PRDM10: variants seen among roughly 807,000 people sequenced by gnomAD.
The protein encoded by PRDM10 is PR/SET domain 10.
Under a neutral mutation model 133.1 loss-of-function variants are expected in PRDM10, and 65 were observed. The ratio of observed to expected loss-of-function variants is 0.49; its 90% CI spans 0.40 to 0.60. The LOEUF is 0.60. PRDM10 is among the 20% of genes least tolerant of loss of function. PRDM10 has a pLI of 0.00. For missense variants in PRDM10, 1,137 were observed against 1,507.1 expected (o/e 0.75, Z 4.07); for synonymous variants, 582 against 580.4 (o/e 1.00, Z -0.04).
At chr11:129,968,561 C>T (rs78122374) in intron 1 of PRDM10, among the ~76,000 whole-genome samples, 2 of 152,102 alleles carry the variant, frequency 1.3e-5, no homozygotes, top group East Asian at 1.9e-4. Context: ...CTGTTGTTCT[C>T]TCTCTGATAT....
At chr11:129,919,456 CTA>C (rs944808792) in intron 13 of PRDM10, among the ~76,000 whole-genome samples, 1 of 152,306 alleles carries the variant, frequency 6.6e-6, no homozygotes, top group African/African-American at 2.4e-5. Flanking sequence ...GTAAGAATCT[CTA>C]TCTTATGGAT....
intron 14 of PRDM10, 115 bp from the exon 15 acceptor site, chr11:129,917,352 C>T (rs971519299): frequency 1.3e-6 from 1 of 752,390 alleles, no homozygotes; most frequent in Admixed American, 2.9e-5. Flanking sequence ...AGCAATGCCC[C>T]CAAATAATAA....
intron 1 of PRDM10, among the ~76,000 whole-genome samples, chr11:129,992,635 C>G (rs779284008): frequency 6.6e-6 from 1 of 152,174 alleles, no homozygotes. Flanking sequence ...TCACTACACC[C>G]ACAAACAGAT....
chr11:129,915,897 C>G, intron 15 of PRDM10, 37 bp from the exon 16 acceptor site: 2 of 1,573,068 alleles, frequency 1.3e-6, no homozygotes, highest in Non-Finnish European at 8.6e-7. Context: ...AAGCAGTATA[C>G]AGTTCCACTT....
chr11:129,957,699 G>T, intron 3 of PRDM10, 47 bp downstream of exon 3: 1 of 1,569,106 alleles, frequency 6.4e-7, no homozygotes, highest in Non-Finnish European at 8.7e-7. Context: ...CAAGTAATTG[G>T]TTAATTAGTT....
At chr11:129,975,202 G>A (rs144386804) in intron 1 of PRDM10, among the ~76,000 whole-genome samples, 12 of 152,124 alleles carry the variant, frequency 7.9e-5, no homozygotes, top group Non-Finnish European at 1.6e-4. Context: ...CGAGGCAGGT[G>A]AATCACCTGA....
At chr11:129,959,959 C>T (rs978754062) in intron 2 of PRDM10, among the ~76,000 whole-genome samples, 1 of 149,832 alleles carries the variant, frequency 6.7e-6, no homozygotes, top group Non-Finnish European at 1.5e-5. Flanking sequence ...CAGGGCCTCA[C>T]TTTGTTGCCC....
chr11:129,936,346 G>C (rs1951028287), intron 8 of PRDM10, among the ~76,000 whole-genome samples: 1 of 151,720 alleles, frequency 6.6e-6, no homozygotes. Flanking sequence ...TAACAAAATG[G>C]CCACCGTTAA....
chr11:129,969,261 T>C (rs12284284), intron 1 of PRDM10, among the ~76,000 whole-genome samples: 5,115 of 152,314 alleles, frequency 0.034, 287 homozygotes, highest in African/African-American at 0.12. Flanking sequence ...GGAATATTTA[T>C]ATAGCAATTA....
Position 129,945,027 on chromosome 11 carries a change from C to G in PRDM10, c.521-15G>C. On this transcript the variant is annotated splice_polypyrimidine_tract_variant and intron_variant, in intron 5 of 20. Transcript: ENST00000360871. This position sits in a 1 kb window ranked among gnomAD's most constrained non-coding sequence, Gnocchi z 4.2. ...CTCCTCACACCCTGCAAAAGAGAGACAGTCTTGAAGAAAAGTCCAATTCCT... is the reference window on the plus strand; with the variant it reads ...CTCCTCACACCCTGCAAAAGAGAGAGAGTCTTGAAGAAAAGTCCAATTCCT... 1 of 1,608,618 alleles carries G rather than the reference C, an allele frequency of 6.2e-7. No individual in the cohort carries two copies.
At position 129,963,196 on chromosome 11, in the gene PRDM10, T is replaced by C. The variant is rs565672525; in HGVS notation, c.-118-2114A>G. Among the ~76,000 whole-genome samples the C allele has an allele frequency of 3.2e-4, 48 of 148,340 alleles. No individual in the cohort carries two copies. In the South Asian group the frequency reaches 4.8e-3, roughly 15 times the overall value. On this transcript the variant is annotated intron_variant, in intron 1 of 20. Coordinates refer to ENST00000360871, the MANE Select transcript of PRDM10 (RefSeq NM_199437.2). Reference sequence around the variant, plus strand: ...ATAAATGTCACCAATCATCTAAAGATCTGTAAGAAGAAAACTACAAAATTG... The same window carrying C: ...ATAAATGTCACCAATCATCTAAAGACCTGTAAGAAGAAAACTACAAAATTG...
At chr11:129,987,893 C>T (rs1173559174) in intron 1 of PRDM10, among the ~76,000 whole-genome samples, 2 of 152,056 alleles carry the variant, frequency 1.3e-5, no homozygotes, top group Non-Finnish European at 2.9e-5. Context: ...TCCAGCTACT[C>T]GGGAGACTGA....
At chr11:129,948,216 A>G in intron 4 of PRDM10, 1 of 404,108 alleles carries the variant, frequency 2.5e-6, no homozygotes, top group Non-Finnish European at 4.9e-6. Flanking sequence ...CCTCCAATCT[A>G]AGTGTTATGG....
At chr11:129,956,480 C>T (rs543796531) in intron 3 of PRDM10, among the ~76,000 whole-genome samples, 1 of 152,288 alleles carries the variant, frequency 6.6e-6, no homozygotes, top group South Asian at 2.1e-4. Flanking sequence ...AGGAGAATCA[C>T]TTGAACCCGG....
intron 18 of PRDM10, among the ~76,000 whole-genome samples, chr11:129,911,634 C>T (rs1391925328): frequency 6.6e-6 from 1 of 152,228 alleles, no homozygotes; most frequent in African/African-American, 2.4e-5. Flanking sequence ...TCCTTCAAGA[C>T]CTCAAAGACC....
intron 1 of PRDM10, among the ~76,000 whole-genome samples, chr11:129,988,450 T>C (rs1938544193): frequency 6.6e-6 from 1 of 152,140 alleles, no homozygotes; most frequent in East Asian, 1.9e-4. Context: ...CAGGCTGGTC[T>C]CGAACTCCTG....
chr11:129,988,428 C>T (rs1326221495), intron 1 of PRDM10, among the ~76,000 whole-genome samples: 1 of 152,022 alleles, frequency 6.6e-6, no homozygotes, highest in East Asian at 1.9e-4. Flanking sequence ...GACGGGGTTT[C>T]GCCATGTTGC....
chr11:129,933,412 C>A (rs1317426017), intron 9 of PRDM10, among the ~76,000 whole-genome samples: 2 of 152,182 alleles, frequency 1.3e-5, no homozygotes, highest in Non-Finnish European at 2.9e-5. Context: ...GGAAGCAAAT[C>A]CCAGATATCT....
chr11:129,987,669 T>C lies in PRDM10; in HGVS notation c.-119+15053A>G, dbSNP rs903525307. Among the ~76,000 whole-genome samples, 24 of 152,304 alleles carry C rather than the reference T, an allele frequency of 1.6e-4. 1 individual carries two copies. Among genetic ancestry groups the C allele is most frequent in the Middle Eastern group, 3.4e-3 (1 of 294 alleles). Reference sequence around the variant, plus strand: ...CATCAACTGATAAGTGAAGAAAATATGGTATATCCATATAATGGAATATTA... The same window carrying C: ...CATCAACTGATAAGTGAAGAAAATACGGTATATCCATATAATGGAATATTA... On this transcript the variant is annotated intron_variant, in intron 1 of 20. Transcript: ENST00000360871.
Sources: gnomAD v4.1 joint callset for allele counts (sites outside exome capture counted in the v4.1 genomes callset) on GRCh38, gnomAD v4.1.1 for gene constraint, Gnocchi (gnomAD v3.1) non-coding constraint, MANE v1.5 for transcripts, NCBI Gene and HGNC (gene_info 2026-07-23, HGNC 2026-07-21) for gene names.